The following CRIPTO variants were observed in gnomAD, a reference collection of about 807,000 sequenced individuals.
CRIPTO encodes the protein protein Cripto.
the CRIPTO span, among the ~76,000 whole-genome samples, chr3:46,575,695 C>G: frequency 1.3e-5 from 2 of 152,158 alleles, no homozygotes; most frequent in Non-Finnish European, 1.5e-5. Flanking sequence ...AATAGCAACG[C>G]AGGGGTGTGT....
chr3:46,581,139 T>C, the CRIPTO span: 42,571 of 1,613,482 alleles, frequency 0.026, 663 homozygotes, highest in Middle Eastern at 0.036. Context: ...CAGATGGCCT[T>C]GTGATGGATG....
At chr3:46,579,397 C>T in the CRIPTO span, 1 of 1,613,862 alleles carries the variant, frequency 6.2e-7, no homozygotes, top group Non-Finnish European at 8.5e-7. Context: ...ATGCTTCTGC[C>T]CTGGCCCTTC....
At chr3:46,579,114 A>T in the CRIPTO span, 10 of 1,614,136 alleles carry the variant, frequency 6.2e-6, no homozygotes, top group East Asian at 2.0e-4. Flanking sequence ...GATCATGGCC[A>T]TTTCTAAAGT....
the CRIPTO span, among the ~76,000 whole-genome samples, chr3:46,578,201 C>T: frequency 6.6e-6 from 1 of 152,102 alleles, no homozygotes; most frequent in African/African-American, 2.4e-5. Context: ...TTAACATTTT[C>T]GTGTTAATGT....
At chr3:46,580,119 G>T in the CRIPTO span, 4 of 1,611,140 alleles carry the variant, frequency 2.5e-6, no homozygotes, top group Non-Finnish European at 3.4e-6. Flanking sequence ...GCCTTGGGGG[G>T]TGCTTAGTTA....
chr3:46,577,970 A>G, the CRIPTO span: 1 of 1,614,190 alleles, frequency 6.2e-7, no homozygotes, highest in Non-Finnish European at 8.5e-7. Context: ...GTTAAAAGCT[A>G]TGGACTGCAG....
At chr3:46,581,214 A>G in the CRIPTO span, 1 of 1,614,052 alleles carries the variant, frequency 6.2e-7, no homozygotes, top group Non-Finnish European at 8.5e-7. Context: ...CTTTTATGCT[A>G]GTTGGCATCT....
the CRIPTO span, chr3:46,579,225 C>T: frequency 1.2e-6 from 2 of 1,614,066 alleles, no homozygotes; most frequent in East Asian, 2.2e-5. Context: ...TTGATTTTGT[C>T]GTTAAGGGCT....
At chr3:46,579,676 T>A in the CRIPTO span, 1 of 1,543,412 alleles carries the variant, frequency 6.5e-7, no homozygotes, top group Non-Finnish European at 8.9e-7. Context: ...AACCTTCGCT[T>A]ACAGGAATTG....
chr3:46,575,829 A>G, the CRIPTO span, among the ~76,000 whole-genome samples: 1 of 152,186 alleles, frequency 6.6e-6, no homozygotes, highest in African/African-American at 2.4e-5. Context: ...TTATCTACTT[A>G]GCACCTTGGA....
the CRIPTO span, chr3:46,579,511 G>A: frequency 7.0e-7 from 1 of 1,429,854 alleles, no homozygotes; most frequent in East Asian, 2.3e-5. Context: ...AGTGAGACAA[G>A]GATTGTGTAT....
At chr3:46,576,511 A>C in the CRIPTO span, among the ~76,000 whole-genome samples, 11 of 139,176 alleles carry the variant, frequency 7.9e-5, no homozygotes, top group African/African-American at 2.7e-4. Flanking sequence ...AAAAAAAATC[A>C]TGTGTAGAAG....
At chr3:46,581,604 G>A in the CRIPTO span, 1 of 554,706 alleles carries the variant, frequency 1.8e-6, no homozygotes, top group East Asian at 3.0e-5. Context: ...CCGCATCCGG[G>A]GTTCAAGCCA....
At chr3:46,575,126 A>G in the CRIPTO span, among the ~76,000 whole-genome samples, 1 of 152,228 alleles carries the variant, frequency 6.6e-6, no homozygotes, top group Non-Finnish European at 1.5e-5. Context: ...GTGACCAAGC[A>G]GAGGTGACCA....
the CRIPTO span, among the ~76,000 whole-genome samples, chr3:46,574,929 A>T: frequency 6.6e-6 from 1 of 152,364 alleles, no homozygotes; most frequent in South Asian, 2.1e-4. Flanking sequence ...CAAGGGCAGT[A>T]CCAAGAAATG....
chr3:46,579,435 C>T, the CRIPTO span: 5 of 1,612,220 alleles, frequency 3.1e-6, no homozygotes, highest in Non-Finnish European at 4.2e-6. Flanking sequence ...CTTTCCAACA[C>T]TCTTTCACCT....
chr3:46,579,951 G>A, the CRIPTO span: 2 of 1,614,200 alleles, frequency 1.2e-6, no homozygotes, highest in Non-Finnish European at 1.7e-6. Context: ...TCATTCTCAG[G>A]AACTGTGGGT....
chr3:46,579,715 C>G, the CRIPTO span: 3 of 1,610,574 alleles, frequency 1.9e-6, no homozygotes, highest in Non-Finnish European at 2.5e-6. Flanking sequence ...CCTACACCCT[C>G]AGTCATCTGT....
chr3:46,578,958 A>T, the CRIPTO span: 1 of 1,011,606 alleles, frequency 9.9e-7, no homozygotes, highest in Non-Finnish European at 1.5e-6. Context: ...TTAGCCATTA[A>T]AAAAAGAAAG....
Sources: gnomAD v4.1 joint callset for allele counts (sites outside exome capture counted in the v4.1 genomes callset) on GRCh38, gnomAD v4.1.1 for gene constraint, MANE v1.5 for transcripts, NCBI Gene and HGNC (gene_info 2026-07-23, HGNC 2026-07-21) for gene names.